RYR3: variants seen among roughly 807,000 people sequenced by gnomAD.
The protein encoded by RYR3 is ryanodine receptor 3, also known as brain ryanodine receptor-calcium release channel.
RYR3 carries 207 observed loss-of-function variants against 584.3 expected under a neutral mutation model. The ratio of observed to expected loss-of-function variants is 0.35; its 90% confidence interval spans 0.32 to 0.40. RYR3 has a LOEUF of 0.40. Ranked by LOEUF, RYR3 falls within the 10% of genes least tolerant of loss-of-function variation. The pLI is 1.00. For synonymous variants in RYR3, 2,416 were observed against 2,248.5 expected, an observed-to-expected ratio of 1.07 and a Z score of -2.11; for missense variants, 5,616 against 6,089.2, an observed-to-expected ratio of 0.92 and a Z score of 2.59.
rs201051485 is a variant in RYR3, at chr15:33,659,791, A to C, written c.4380A>C (p.Glu1460Asp). The change falls in exon 33 of 104, where the codon GAA becomes GAC. Residue 1460 changes from glutamate to aspartate, a missense_variant. Physicochemically the swap from Glu to Asp is conservative, Grantham distance 45. Transcript: ENST00000634891. ...CAAGTACTTCTTTGTTTCAGTTTGA[A>C]CTTGGAAAGCTGAAGGTATTTATTT... ...QPTSTSLFQF[E>D]LGKLKNAMPL... The C allele has an allele frequency of 1.9e-6, 3 of 1,610,154 alleles. No homozygotes were observed.
chr15:33,454,648 C>T (rs1330233614), intron 1 of RYR3, among the ~76,000 whole-genome samples: 1 of 152,154 alleles, frequency 6.6e-6, no homozygotes, highest in Non-Finnish European at 1.5e-5. Context: ...ACTATGGATG[C>T]ACAATGATGG....
chr15:33,703,498 T>C (rs761580912), intron 42 of RYR3, among the ~76,000 whole-genome samples: 1 of 152,246 alleles, frequency 6.6e-6, no homozygotes, highest in Non-Finnish European at 1.5e-5. Flanking sequence ...CTTTTCTTTG[T>C]GTGCACGTAT....
chr15:33,853,224 G>A (rs1341682025), intron 95 of RYR3, 137 bp downstream of exon 95: 1 of 920,858 alleles, frequency 1.1e-6, no homozygotes, highest in East Asian at 2.7e-5. Context: ...AGTCACAGAA[G>A]GGGTTGGATA....
At chr15:33,484,910 A>AT (rs2050279225) in intron 2 of RYR3, among the ~76,000 whole-genome samples, 1 of 152,212 alleles carries the variant, frequency 6.6e-6, no homozygotes, top group East Asian at 1.9e-4. Context: ...GATGGAAGTA[A>AT]TGTTCAGGAG....
At chr15:33,461,997 A>G (rs1397962273) in intron 1 of RYR3, among the ~76,000 whole-genome samples, 1 of 152,226 alleles carries the variant, frequency 6.6e-6, no homozygotes, top group Non-Finnish European at 1.5e-5. Context: ...GGAGCTGGAA[A>G]AAAAACCGTA....
In RYR3 at chr15:33,662,142, C is replaced by T. The variant is rs377605521; in HGVS notation, c.4623-11C>T. 17 of 1,562,796 alleles carry T rather than the reference C, an allele frequency of 1.1e-5. No individual in the cohort carries two copies. The African/African-American group carries it at 2.2e-4, about 20-fold the overall frequency. Reference sequence around the variant, plus strand: ...CCCCCTGGTGTGGCTGATTGCTCGTCCTGTCCTCAGGTGTGTGGATATCCT... The same window carrying T: ...CCCCCTGGTGTGGCTGATTGCTCGTTCTGTCCTCAGGTGTGTGGATATCCT... On this transcript the variant is annotated splice_polypyrimidine_tract_variant and intron_variant, in intron 34 of 103. Transcript: ENST00000634891.
chr15:33,757,321 C>T (rs536272359), intron 59 of RYR3, among the ~76,000 whole-genome samples, 154 bp from the exon 60 acceptor site: 13 of 152,108 alleles, frequency 8.5e-5, no homozygotes, highest in Admixed American at 2.6e-4. Flanking sequence ...AAGGAAAATA[C>T]GATGGAAACT....
chr15:33,788,254 A>T lies in RYR3; in HGVS notation c.9626A>T (p.Asp3209Val). The T allele has an allele frequency of 6.2e-7, 1 of 1,613,994 alleles. No homozygotes were observed. The highest frequency in any genetic ancestry group is 2.2e-5 in the East Asian group (1 of 44,884). ...AQPIISKARP[D>V]LLRSHFIPTL... Reference sequence around the variant, plus strand: ...CCCATCATCAGCAAAGCCAGGCCCGACCTGCTGAGAAGCCACTTCATCCCA... The same window carrying T: ...CCCATCATCAGCAAAGCCAGGCCCGTCCTGCTGAGAAGCCACTTCATCCCA... The change falls in exon 67 of 104, where the codon GAC becomes GTC. Residue 3209 changes from aspartate (D) to valine (V), a missense_variant. Transcript: ENST00000634891.
Position 33,838,754 on chromosome 15 carries a change from A to G in RYR3, c.12774A>G (p.Pro4258=). ...CTGAGAGGGCAGAGGTGATGGAGCCAGGTATCACCACTGAACTAGTACACT... is the reference window on the plus strand; with the variant it reads ...CTGAGAGGGCAGAGGTGATGGAGCCGGGTATCACCACTGAACTAGTACACT... ...MEAERAEVME[P]GITTELVHFI... Residue 4258 remains proline, a synonymous_variant, in exon 89 of 104, where the codon CCA becomes CCG. Transcript: ENST00000634891. 6.2e-7 allele frequency: 1 copy of G among 1,613,952 alleles called. No homozygotes were observed. Among genetic ancestry groups the G allele is most frequent in the Non-Finnish European group, 8.5e-7 (1 of 1,179,844 alleles).
intron 1 of RYR3, among the ~76,000 whole-genome samples, chr15:33,324,324 G>C (rs1007915082): frequency 3.3e-5 from 5 of 152,134 alleles, no homozygotes; most frequent in African/African-American, 1.2e-4. Flanking sequence ...GTATCTTCTG[G>C]GGAAATGGGG....
At chr15:33,594,513 A>G (rs1008810926) in intron 16 of RYR3, among the ~76,000 whole-genome samples, 1 of 152,206 alleles carries the variant, frequency 6.6e-6, no homozygotes, top group Non-Finnish European at 1.5e-5. Context: ...TGAAGCAAAA[A>G]GTCAAAAAGA....
chr15:33,858,030 C>G (rs757636552), intron 99 of RYR3, 116 bp downstream of exon 99: 180 of 1,265,050 alleles, frequency 1.4e-4, no homozygotes, highest in Non-Finnish European at 1.7e-4. Flanking sequence ...GAGTTAGTTA[C>G]AGAGCACAGC....
In RYR3 at chr15:33,800,161, C is replaced by A. The variant is rs548303518; in HGVS notation, c.9831-609C>A. On this transcript the variant is annotated intron_variant, in intron 67 of 103. Transcript: ENST00000634891. ...GTAATGCTTATTTGTAGGGAATCTT[C>A]AAACCATTTTAGAGGGCATAGATGA... is the stretch of plus-strand genomic sequence containing the variant. Among the ~76,000 whole-genome samples the A allele has an allele frequency of 7.2e-5, 11 of 152,276 alleles. No individual in the cohort carries two copies. In the South Asian group the frequency reaches 2.3e-3, roughly 32 times the overall value.
chr15:33,625,325 G>A (rs1382641287), intron 20 of RYR3, among the ~76,000 whole-genome samples: 2 of 152,198 alleles, frequency 1.3e-5, no homozygotes, highest in Non-Finnish European at 2.9e-5. Flanking sequence ...TGATATTTGG[G>A]TGGGGACACA....
At chr15:33,600,930 A>G (rs557304155) in intron 16 of RYR3, among the ~76,000 whole-genome samples, 2 of 152,300 alleles carry the variant, frequency 1.3e-5, no homozygotes, top group South Asian at 2.1e-4. Context: ...GCCAAGCACC[A>G]TCAGGGCTGG....
intron 92 of RYR3, among the ~76,000 whole-genome samples, chr15:33,844,346 A>G (rs1406208354): frequency 6.6e-6 from 1 of 152,238 alleles, no homozygotes. Context: ...AAAGCCAGCA[A>G]GCAGTTGGAG....
chr15:33,582,756 CTGA>C (rs530305694), intron 14 of RYR3, among the ~76,000 whole-genome samples: 192 of 152,264 alleles, frequency 1.3e-3, no homozygotes, highest in African/African-American at 4.5e-3. Context: ...CTTGCTGCAA[CTGA>C]TCTGAAAAGG....
intron 1 of RYR3, among the ~76,000 whole-genome samples, chr15:33,392,337 T>TCA (rs1333784711): frequency 6.6e-6 from 1 of 151,210 alleles, no homozygotes; most frequent in Non-Finnish European, 1.5e-5. Flanking sequence ...GTACCTATGA[T>TCA]TATACCTTGA....
At chr15:33,619,926 T>C (rs2060634945) in intron 19 of RYR3, among the ~76,000 whole-genome samples, 2 of 152,190 alleles carry the variant, frequency 1.3e-5, no homozygotes, top group African/African-American at 4.8e-5. Context: ...TTTGTAGTTT[T>C]CTTAGCCTCA....
Sources: allele counts gnomAD v4.1 joint callset (sites outside exome capture counted in the v4.1 genomes callset), GRCh38; gene constraint gnomAD v4.1.1; transcripts MANE v1.5; gene names NCBI Gene and HGNC (gene_info 2026-07-23, HGNC 2026-07-21).